Variants in LRRC4C observed in about 807,000 individuals in gnomAD.
LRRC4C encodes the protein leucine rich repeat containing 4C.
LRRC4C carries 5 observed loss-of-function variants against 33.6 expected under a neutral mutation model. That is an observed-to-expected ratio of 0.15 (90% confidence interval 0.08 to 0.31). The LOEUF (loss-of-function observed/expected upper bound fraction) is 0.31, where lower values mean the gene tolerates loss of function less well. Ranked by LOEUF, LRRC4C falls within the 10% of genes least tolerant of loss-of-function variation. The pLI, the probability that LRRC4C is intolerant of heterozygous loss-of-function variation, is 1.00. For missense variants in LRRC4C, 560 were observed against 796.7 expected, an observed-to-expected ratio of 0.70 and a Z score of 3.58; for synonymous variants, 329 against 302.0, an observed-to-expected ratio of 1.09 and a Z score of -0.93.
rs370962374 is a variant in LRRC4C at position 41,368,183 on chromosome 11, C to T, written c.-496+91248G>A. Among the ~76,000 whole-genome samples, 39 of 152,290 alleles carry T rather than the reference C, an allele frequency of 2.6e-4. 1 individual carries two copies. The highest frequency in any genetic ancestry group is 9.1e-4 in the African/African-American group (38 of 41,564). ...CAAATTTCGTTTCCTTTGTTTCAGA[C>T]AACTGAAAGCCAGAATCAGCTTGAC... On this transcript the variant is annotated intron_variant, in intron 1 of 6. Transcript: ENST00000528697.
At chr11:40,348,184 T>G (rs1251151312) in intron 3 of LRRC4C, among the ~76,000 whole-genome samples, 1 of 145,980 alleles carries the variant, frequency 6.9e-6, no homozygotes, top group East Asian at 2.1e-4. Flanking sequence ...ATTATGAAAA[T>G]GTGACACAGA....
At chr11:41,378,014 G>A (rs1487991888) in intron 1 of LRRC4C, among the ~76,000 whole-genome samples, 1 of 152,096 alleles carries the variant, frequency 6.6e-6, no homozygotes, top group Non-Finnish European at 1.5e-5. Context: ...CCATGTTAGT[G>A]CTTCAGAAAG....
rs145241945 is a variant in LRRC4C at position 40,765,659 on chromosome 11, C to A, written c.-406-117381G>T. Among the ~76,000 whole-genome samples, 416 of 151,818 alleles carry A rather than the reference C, an allele frequency of 2.7e-3. 5 individuals are homozygous for A. Among genetic ancestry groups the A allele is most frequent in the African/African-American group, 8.4e-3 (348 of 41,398 alleles). On this transcript the variant is annotated intron_variant, in intron 2 of 6. Transcript: ENST00000528697. ...AATTTTTAAAAATCAAGCTAAAATT[C>A]TACAGCTGAAAAATGCAATGTATAT...
In LRRC4C at chr11:41,267,128, T is replaced by A. The variant is rs552964716; in HGVS notation, c.-496+192303A>T. Among the ~76,000 whole-genome samples the A allele has an allele frequency of 3.9e-5, 6 of 152,250 alleles. No individual in the cohort carries two copies. The South Asian group carries it at 1.2e-3, about 32-fold the overall frequency. On this transcript the variant is annotated intron_variant, in intron 1 of 6. Coordinates refer to ENST00000528697, the MANE Select transcript of LRRC4C (RefSeq NM_001258419.2). ...ATCTAGCTGTTAGCAGATAGTACTT[T>A]CACACTGAGAAGTATTATAAGATAA...
intron 3 of LRRC4C, among the ~76,000 whole-genome samples, chr11:40,476,087 C>T (rs1953204201): frequency 6.6e-6 from 1 of 152,170 alleles, no homozygotes; most frequent in African/African-American, 2.4e-5. Flanking sequence ...GACCAAGCTG[C>T]CCATGATTGA....
intron 4 of LRRC4C, among the ~76,000 whole-genome samples, chr11:40,304,273 C>T (rs1944919779): frequency 1.3e-5 from 2 of 152,078 alleles, no homozygotes; most frequent in African/African-American, 2.4e-5. Flanking sequence ...TAGGAGGGTG[C>T]CTCTAAGTGC....
intron 6 of LRRC4C, among the ~76,000 whole-genome samples, chr11:40,117,351 T>TATACCAACTCATTATAAA (rs1182565265): frequency 6.6e-6 from 1 of 152,206 alleles, no homozygotes; most frequent in Non-Finnish European, 1.5e-5. Context: ...GAGATTCTCA[T>TATACCAACTCATTATAAA]ATACCAACTC....
At chr11:40,279,435 A>AT (rs1200274737) in intron 4 of LRRC4C, among the ~76,000 whole-genome samples, 1 of 152,202 alleles carries the variant, frequency 6.6e-6, no homozygotes, top group African/African-American at 2.4e-5. Flanking sequence ...CCATATTTCC[A>AT]TTTTTATTAA....
intron 3 of LRRC4C, among the ~76,000 whole-genome samples, chr11:40,472,874 T>C (rs1953014803): frequency 6.6e-6 from 1 of 152,204 alleles, no homozygotes; most frequent in Non-Finnish European, 1.5e-5. Flanking sequence ...GATAAATTCC[T>C]GGACACATAC....
intron 2 of LRRC4C, among the ~76,000 whole-genome samples, chr11:40,909,234 A>T (rs1195152115): frequency 6.6e-6 from 1 of 152,078 alleles, no homozygotes; most frequent in Non-Finnish European, 1.5e-5. Flanking sequence ...TCAATCTTTT[A>T]GGTAAGATTC....
chr11:40,205,830 G>A (rs4375425), intron 5 of LRRC4C, among the ~76,000 whole-genome samples: 37,636 of 151,962 alleles, frequency 0.25, 5,587 homozygotes, highest in South Asian at 0.41. Context: ...ACCCTGAGAG[G>A]CCCGCTTGGT....
chr11:41,034,413 A>C (rs2137866128), intron 1 of LRRC4C, among the ~76,000 whole-genome samples: 1 of 145,784 alleles, frequency 6.9e-6, no homozygotes, highest in East Asian at 2.0e-4. Flanking sequence ...AAACAGACTA[A>C]GACACATATG....
rs538738412 is a variant in LRRC4C at position 41,435,619 on chromosome 11, T to C, written c.-496+23812A>G. Among the ~76,000 whole-genome samples, 4 of 152,322 alleles carry C rather than the reference T, an allele frequency of 2.6e-5. No homozygotes were observed. In the South Asian group the frequency reaches 8.3e-4, roughly 32 times the overall value. On this transcript the variant is annotated intron_variant, in intron 1 of 6. Coordinates refer to ENST00000528697, the MANE Select transcript of LRRC4C (RefSeq NM_001258419.2). The stretch of plus-strand genomic sequence containing the variant: ...ATATGTTCCTCGGAAACTTATGTCA[T>C]AAGAAAATAAATTATCTTCACATGC...
chr11:40,735,876 T>C (rs570250273), intron 2 of LRRC4C, among the ~76,000 whole-genome samples: 157 of 151,330 alleles, frequency 1.0e-3, no homozygotes, highest in Middle Eastern at 0.01. Context: ...TGGTATCTCA[T>C]TGTGGTTTTG....
At chr11:41,172,815 T>C (rs559112954) in intron 1 of LRRC4C, among the ~76,000 whole-genome samples, 7 of 152,316 alleles carry the variant, frequency 4.6e-5, no homozygotes, top group African/African-American at 1.4e-4. Flanking sequence ...TTTCTATCAT[T>C]CTATGCTATA....
At chr11:40,388,762 GC>G (rs1225582576) in intron 3 of LRRC4C, among the ~76,000 whole-genome samples, 2 of 152,134 alleles carry the variant, frequency 1.3e-5, no homozygotes, top group Non-Finnish European at 2.9e-5. Flanking sequence ...AGTTTAGTGT[GC>G]ACACTGAATC....
At chr11:40,781,149 G>A (rs1302321672) in intron 2 of LRRC4C, among the ~76,000 whole-genome samples, 1 of 151,994 alleles carries the variant, frequency 6.6e-6, no homozygotes, top group Admixed American at 6.6e-5. Flanking sequence ...AATATGGCAG[G>A]CAATTGTAAC....
chr11:41,156,106 C>T lies in LRRC4C; in HGVS notation c.-495-222383G>A, dbSNP rs147446011. Among the ~76,000 whole-genome samples the T allele has an allele frequency of 4.4e-3, 675 of 152,110 alleles. 2 individuals are homozygous for T. Among genetic ancestry groups the T allele is most frequent in the African/African-American group, 0.015 (632 of 41,492 alleles). On this transcript the variant is annotated intron_variant, in intron 1 of 6. Transcript: ENST00000528697. ...TGTAAAACCCACGGACCCATCTACG[C>T]AAAGCAAAAATAAACAGACTTGTTA...
chr11:40,225,150 G>A (rs921927629), intron 5 of LRRC4C, among the ~76,000 whole-genome samples: 1 of 152,170 alleles, frequency 6.6e-6, no homozygotes, highest in African/African-American at 2.4e-5. Flanking sequence ...AGCCTAAATT[G>A]AATATTCCTA....
Sources: gnomAD v4.1 joint callset for allele counts (sites outside exome capture counted in the v4.1 genomes callset) on GRCh38, gnomAD v4.1.1 for gene constraint, MANE v1.5 for transcripts, NCBI Gene and HGNC (gene_info 2026-07-23, HGNC 2026-07-21) for gene names.